RPS6KA6: variants seen among roughly 807,000 people sequenced by gnomAD.
RPS6KA6 encodes ribosomal protein S6 kinase A6, also known as ribosomal protein S6 kinase alpha-6.
A neutral mutation model predicts 65.4 loss-of-function variants in RPS6KA6; 27 were observed. The observed-to-expected ratio is 0.41, with a 90% CI of 0.30 to 0.57. RPS6KA6 has a LOEUF of 0.57. Ranked by LOEUF, RPS6KA6 falls within the 20% of genes least tolerant of loss-of-function variation. RPS6KA6 has a pLI of 0.24. For missense variants in RPS6KA6, 486 were observed against 555.6 expected, an observed-to-expected ratio of 0.87 and a Z score of 1.26; for synonymous variants, 190 against 184.2, an observed-to-expected ratio of 1.03 and a Z score of -0.26.
rs748599786 is a variant in RPS6KA6, at chrX:84,096,324, T to C, written c.1854-13A>G. 3.5e-6 allele frequency: 3 copies of C among 869,272 alleles called. No homozygotes were observed. The highest frequency in any genetic ancestry group is 3.0e-5 in the Admixed American group (1 of 33,545). 71.6% of individuals were successfully genotyped at this position (869,272 alleles called of 1,213,427 possible). A position where few individuals can be genotyped will look rare whatever the true frequency, so the allele number is the denominator to read the frequency against. ...AAATGGAGTGTAGCTATTAATAAAA[T>C]AGATTTTAATAGACACTAGAGGGTA... On this transcript the variant is annotated splice_polypyrimidine_tract_variant and intron_variant, in intron 19 of 21. Coordinates refer to ENST00000262752, the MANE Select transcript of RPS6KA6 (RefSeq NM_014496.5).
chrX:84,085,688 A>G (rs1229133384), intron 20 of RPS6KA6, among the ~76,000 whole-genome samples: 2 of 112,062 alleles, frequency 1.8e-5, no homozygotes, highest in African/African-American at 6.5e-5. Flanking sequence ...TGAATCTAGC[A>G]TCATAAAATG....
intron 20 of RPS6KA6, among the ~76,000 whole-genome samples, chrX:84,070,196 T>C (rs931582218): frequency 2.7e-5 from 3 of 112,162 alleles, no homozygotes; most frequent in Admixed American, 9.5e-5. Flanking sequence ...GAAGAATAAA[T>C]GGCACATATA....
At chrX:84,154,074 T>A (rs1451043921) in intron 3 of RPS6KA6, among the ~76,000 whole-genome samples, 1 of 111,560 alleles carries the variant, frequency 9.0e-6, no homozygotes, top group Non-Finnish European at 1.9e-5. Flanking sequence ...GAGAAATTTC[T>A]CTGGTCTGTT....
At position 84,059,010 on chromosome X, in the gene RPS6KA6, T is replaced by C. The variant is rs2147300370; in HGVS notation, c.*5267A>G. 1 of 109,008 alleles carries C rather than the reference T, an allele frequency of 9.2e-6. No individual in the cohort carries two copies. Among genetic ancestry groups the C allele is most frequent in the South Asian group, 4.0e-4 (1 of 2,499 alleles). 9.0% of individuals were successfully genotyped at this position (109,008 alleles called of 1,213,427 possible). A position where few individuals can be genotyped will look rare whatever the true frequency, so the allele number is the denominator to read the frequency against. On this transcript the variant is annotated 3_prime_UTR_variant, in exon 22 of 22. Coordinates refer to ENST00000262752, the MANE Select transcript of RPS6KA6 (RefSeq NM_014496.5). ...CAGAAAAACCACCTTCTCCTTTTTTTTGTACTATGGAATTTAATGCAAGAT... is the reference window on the plus strand; with the variant it reads ...CAGAAAAACCACCTTCTCCTTTTTTCTGTACTATGGAATTTAATGCAAGAT...
At chrX:84,112,635 A>G (rs1483462159) in intron 12 of RPS6KA6, among the ~76,000 whole-genome samples, 1 of 112,030 alleles carries the variant, frequency 8.9e-6, no homozygotes, top group Admixed American at 9.5e-5. Context: ...ATAGAGACAG[A>G]ACATAACAAA....
At chrX:84,185,938 G>A in intron 1 of RPS6KA6, 1 of 458,052 alleles carries the variant, frequency 2.2e-6, no homozygotes, top group South Asian at 2.9e-5. Flanking sequence ...AAGTGGGTCT[G>A]TTCAAATGTA....
chrX:84,181,923 A>G (rs1317059890), intron 1 of RPS6KA6, among the ~76,000 whole-genome samples: 2 of 110,545 alleles, frequency 1.8e-5, no homozygotes, highest in Admixed American at 2.0e-4. Context: ...CTTATCCTCA[A>G]TATCAAAATA....
chrX:84,179,698 A>G (rs921212525), intron 1 of RPS6KA6, among the ~76,000 whole-genome samples: 3 of 111,820 alleles, frequency 2.7e-5, no homozygotes, highest in Non-Finnish European at 5.7e-5. Context: ...TAAACACAAT[A>G]AATGTTTTAT....
chrX:84,101,918 A>C, intron 18 of RPS6KA6, 119 bp downstream of exon 18: 1 of 561,864 alleles, frequency 1.8e-6, no homozygotes. Context: ...AAAGAACTTT[A>C]AAACTGAAAA....
At chrX:84,114,756 T>C (rs2034533060) in intron 12 of RPS6KA6, among the ~76,000 whole-genome samples, 1 of 111,575 alleles carries the variant, frequency 9.0e-6, no homozygotes, top group African/African-American at 3.3e-5. Context: ...TGTACAAAAA[T>C]AGACACATAG....
intron 20 of RPS6KA6, among the ~76,000 whole-genome samples, chrX:84,084,525 T>A (rs1344103760): frequency 1.8e-5 from 2 of 111,838 alleles, no homozygotes; most frequent in Non-Finnish European, 3.8e-5. Context: ...GTTGTAGATG[T>A]GTAGTCTTAT....
chrX:84,101,473 T>G (rs948027129), intron 18 of RPS6KA6, among the ~76,000 whole-genome samples: 1 of 110,858 alleles, frequency 9.0e-6, no homozygotes, highest in Non-Finnish European at 1.9e-5. Flanking sequence ...ATATAAATAT[T>G]ATTTTCCAAG....
intron 3 of RPS6KA6, 64 bp from the exon 4 acceptor site, chrX:84,148,187 C>G (rs1447450154): frequency 4.6e-6 from 3 of 655,378 alleles, no homozygotes; most frequent in Non-Finnish European, 7.1e-6. Flanking sequence ...TTGCTCTACA[C>G]AAACACACCA....
chrX:84,180,415 T>A (rs1426443752), intron 1 of RPS6KA6, among the ~76,000 whole-genome samples: 1 of 111,659 alleles, frequency 9.0e-6, no homozygotes, highest in Non-Finnish European at 1.9e-5. Flanking sequence ...TTTTTTTGCA[T>A]TTTTTCTCAA....
At chrX:84,085,508 C>G (rs1377292014) in intron 20 of RPS6KA6, among the ~76,000 whole-genome samples, 1 of 111,965 alleles carries the variant, frequency 8.9e-6, no homozygotes, top group East Asian at 2.8e-4. Flanking sequence ...TTGAACCAAC[C>G]TTACATCCTG....
Position 84,171,505 on chromosome X carries a change from A to G in RPS6KA6, c.82-7118T>C, listed in dbSNP as rs184736115. 4.7e-3 allele frequency among the ~76,000 whole-genome samples: 521 copies of G among 111,743 alleles called. 2 individuals carry two copies. The highest frequency in any genetic ancestry group is 7.9e-3 in the Non-Finnish European group (419 of 53,160). Reference sequence around the variant, plus strand: ...TCATTTGGTAGAAATAAAACTGTAAACTATATACTAGTAAGTGACCCAGGA... The same window carrying G: ...TCATTTGGTAGAAATAAAACTGTAAGCTATATACTAGTAAGTGACCCAGGA... On this transcript the variant is annotated intron_variant, in intron 1 of 21. Coordinates refer to ENST00000262752, the MANE Select transcript of RPS6KA6 (RefSeq NM_014496.5).
At position 84,064,368 on chromosome X, in the gene RPS6KA6, T is replaced by C; in HGVS notation, c.2147A>G (p.His716Arg). 8.3e-7 allele frequency: 1 copy of C among 1,207,641 alleles called. No homozygotes were observed. Among genetic ancestry groups the C allele is most frequent in the Admixed American group, 2.2e-5 (1 of 45,650 alleles). Residue 716 changes from histidine (H) to arginine (R), a missense_variant, in exon 22 of 22, where the codon CAC (histidine) becomes CGC (arginine). Physicochemically the swap from His to Arg is conservative, Grantham distance 29. Coordinates refer to ENST00000262752, the MANE Select transcript of RPS6KA6 (RefSeq NM_014496.5). The part of the protein sequence containing the change: ...AMVATYSALT[H>R]KTFQPVLEPV... The stretch of plus-strand genomic sequence containing the variant: ...CTCTAGGACTGGTTGAAAGGTCTTG[T>C]GAGTCAGGGCAGAGTATGTTGCAAC...
At chrX:84,076,971 CA>C (rs1361569756) in intron 20 of RPS6KA6, among the ~76,000 whole-genome samples, 1 of 110,509 alleles carries the variant, frequency 9.0e-6, no homozygotes, top group African/African-American at 3.3e-5. Flanking sequence ...TGCATACTAG[CA>C]ACAAAAGAAA....
chrX:84,084,007 C>A (rs990100416), intron 20 of RPS6KA6, among the ~76,000 whole-genome samples: 1 of 112,349 alleles, frequency 8.9e-6, no homozygotes, highest in Non-Finnish European at 1.9e-5. Context: ...TTTCTGGCTA[C>A]ATAAATGTCT....
Sources: gnomAD v4.1 joint callset for allele counts (sites outside exome capture counted in the v4.1 genomes callset) on GRCh38, gnomAD v4.1.1 for gene constraint, MANE v1.5 for transcripts, NCBI Gene and HGNC (gene_info 2026-07-23, HGNC 2026-07-21) for gene names.